CYTH1: variants seen among roughly 807,000 people sequenced by gnomAD.
The protein encoded by CYTH1 is cytohesin 1.
In CYTH1, 18 loss-of-function variants were observed where a neutral mutation model predicts 61.8. The observed-to-expected ratio is 0.29, with a 90% confidence interval of 0.20 to 0.43. The LOEUF is 0.43. Ranked by LOEUF, CYTH1 falls within the 20% of genes least tolerant of loss-of-function variation. CYTH1 has a pLI of 1.00. For synonymous variants in CYTH1, 174 were observed against 184.3 expected (o/e 0.94, Z 0.45); for missense variants, 336 against 510.5 (o/e 0.66, Z 3.29).
intron 1 of CYTH1, among the ~76,000 whole-genome samples, chr17:78,743,461 T>C (rs545356082): frequency 6.6e-6 from 1 of 152,326 alleles, no homozygotes; most frequent in South Asian, 2.1e-4. Context: ...CTAAACGTTG[T>C]GAGTGCCAAC....
intron 1 of CYTH1, chr17:78,736,762 T>C: frequency 2.6e-6 from 1 of 383,948 alleles, no homozygotes; most frequent in South Asian, 1.9e-5. Flanking sequence ...GTTCTGTGCT[T>C]CCAGGAGAGC....
rs2093422938 is a variant in CYTH1, at chr17:78,760,517, G to GTATATATATGTA, written c.22+21684_22+21685insTACATATATATA. Among the ~76,000 whole-genome samples the GTATATATATGTA allele has an allele frequency of 1.0e-4, 3 of 29,670 alleles. 1 individual carries two copies. The East Asian group carries it at 2.6e-3, about 26-fold the overall frequency. 19.5% of individuals were successfully genotyped at this position (29,670 alleles called of 152,430 possible). ...TATATACATATATATGTATATATAT[G>GTATATATATGTA]TATATATATATATACATACATATAT... On this transcript the variant is annotated intron_variant, in intron 1 of 13. Coordinates refer to ENST00000446868, the MANE Select transcript of CYTH1 (RefSeq NM_004762.6).
intron 11 of CYTH1, among the ~76,000 whole-genome samples, chr17:78,684,784 T>C (rs1348747429): frequency 6.6e-6 from 1 of 152,186 alleles, no homozygotes; most frequent in Non-Finnish European, 1.5e-5. Context: ...TGTTTAGAAT[T>C]TAACAGGGGG....
At chr17:78,756,954 G>A (rs904673387) in intron 1 of CYTH1, among the ~76,000 whole-genome samples, 5 of 150,936 alleles carry the variant, frequency 3.3e-5, no homozygotes, top group African/African-American at 7.3e-5. Context: ...TTCACAAGGC[G>A]GAATTTCAAG....
chr17:78,688,826 G>A (rs2144126001), intron 11 of CYTH1, among the ~76,000 whole-genome samples: 1 of 152,296 alleles, frequency 6.6e-6, no homozygotes, highest in Middle Eastern at 3.4e-3. Flanking sequence ...ATTCTACAAA[G>A]TGGGCTTGGC....
At chr17:78,736,695 C>A in intron 1 of CYTH1, 2 of 414,166 alleles carry the variant, frequency 4.8e-6, no homozygotes, top group South Asian at 1.8e-5. Flanking sequence ...GACTCACCGT[C>A]CTCCTCTTCG....
intron 10 of CYTH1, among the ~76,000 whole-genome samples, chr17:78,695,026 C>T (rs966791326): frequency 9.9e-5 from 15 of 152,094 alleles, no homozygotes; most frequent in South Asian, 2.1e-4. Context: ...ACATCAAGGC[C>T]GGATGCCATC....
chr17:78,751,589 T>C (rs2093380607), intron 1 of CYTH1, among the ~76,000 whole-genome samples: 1 of 152,198 alleles, frequency 6.6e-6, no homozygotes, highest in Non-Finnish European at 1.5e-5. Flanking sequence ...ATGTGTACAC[T>C]GAGCAAACTG....
chr17:78,703,431 A>C (rs1391380841), intron 3 of CYTH1, among the ~76,000 whole-genome samples: 2 of 151,906 alleles, frequency 1.3e-5, no homozygotes, highest in Admixed American at 6.6e-5. Flanking sequence ...AAAAAAAAAA[A>C]AAAACTTTAT....
At chr17:78,752,962 C>T (rs144128585) in intron 1 of CYTH1, among the ~76,000 whole-genome samples, 18 of 152,224 alleles carry the variant, frequency 1.2e-4, no homozygotes, top group Non-Finnish European at 2.1e-4. Flanking sequence ...AAACAGGACA[C>T]ACAAGAACAC....
intron 13 of CYTH1, among the ~76,000 whole-genome samples, chr17:78,679,315 C>T (rs758315405): frequency 2.0e-5 from 3 of 152,186 alleles, no homozygotes; most frequent in Non-Finnish European, 4.4e-5. Context: ...ATGGATGAAG[C>T]ACCAGGAGGG....
intron 10 of CYTH1, among the ~76,000 whole-genome samples, chr17:78,693,550 G>A (rs1437419845): frequency 6.6e-6 from 1 of 151,742 alleles, no homozygotes; most frequent in East Asian, 1.9e-4. Context: ...TGAACTGGGA[G>A]GTGGAGGTTG....
chr17:78,702,141 C>T lies in CYTH1; in HGVS notation c.337G>A (p.Gly113Ser), dbSNP rs779136505. ...CCTTACCTCTCCCCTAGGTAGTCGC[C>T]GATGGCTGTCTTGTTGAGCCCTTCG... ...KGEGLNKTAI[G>S]DYLGERDEFN... is the part of the protein sequence containing the mutation. Residue 113 changes from glycine (G) to serine (S), a missense_variant, in exon 5 of 14, where the codon GGC becomes AGC. Physicochemically the swap from Gly to Ser is moderately conservative, Grantham distance 56. Coordinates refer to ENST00000446868, the MANE Select transcript of CYTH1 (RefSeq NM_004762.6). 4 of 1,614,038 alleles carry T rather than the reference C, an allele frequency of 2.5e-6. No homozygotes were observed. The highest frequency in any genetic ancestry group is 2.2e-5 in the South Asian group (2 of 91,078).
chr17:78,735,059 T>G (rs1025395811), intron 1 of CYTH1, among the ~76,000 whole-genome samples: 1 of 152,182 alleles, frequency 6.6e-6, no homozygotes, highest in African/African-American at 2.4e-5. Context: ...CAACACTGCC[T>G]TCAGTCCCAG....
chr17:78,751,678 G>A (rs576310993), intron 1 of CYTH1, among the ~76,000 whole-genome samples: 1 of 152,276 alleles, frequency 6.6e-6, no homozygotes, highest in African/African-American at 2.4e-5. Flanking sequence ...TTACAAATAA[G>A]CTTTAGTGAG....
intron 7 of CYTH1, among the ~76,000 whole-genome samples, chr17:78,699,221 A>G (rs2092981210): frequency 6.6e-6 from 1 of 152,124 alleles, no homozygotes; most frequent in Admixed American, 6.5e-5. Context: ...AAAATTAGCC[A>G]GGCGTGGCTG....
At chr17:78,699,749 C>T (rs1350902636) in intron 7 of CYTH1, among the ~76,000 whole-genome samples, 1 of 152,126 alleles carries the variant, frequency 6.6e-6, no homozygotes, top group African/African-American at 2.4e-5. Flanking sequence ...ATATCATTCT[C>T]CTATGTCAAT....
intron 1 of CYTH1, among the ~76,000 whole-genome samples, chr17:78,758,952 G>A (rs569207809): frequency 7.0e-4 from 107 of 151,882 alleles, no homozygotes; most frequent in Middle Eastern, 3.4e-3. Context: ...ATCTACTTTC[G>A]GCATCCACGG....
At chr17:78,699,499 A>AT (rs1484762611) in intron 7 of CYTH1, among the ~76,000 whole-genome samples, 1 of 152,206 alleles carries the variant, frequency 6.6e-6, no homozygotes, top group Non-Finnish European at 1.5e-5. Flanking sequence ...AAAGCTGTTT[A>AT]TTTTTTCAGA....
Sources: gnomAD v4.1 joint callset for allele counts (sites outside exome capture counted in the v4.1 genomes callset) on GRCh38, gnomAD v4.1.1 for gene constraint, MANE v1.5 for transcripts, NCBI Gene and HGNC (gene_info 2026-07-23, HGNC 2026-07-21) for gene names.